The following ANKRD36C variants were observed in gnomAD, a reference collection of about 807,000 sequenced individuals.
The protein encoded by ANKRD36C is ankyrin repeat domain-containing protein 36C.
ANKRD36C carries 61 observed loss-of-function variants against 276.4 expected under a neutral mutation model. The ratio of observed to expected loss-of-function variants is 0.22; its 90% CI spans 0.18 to 0.27. The LOEUF (loss-of-function observed/expected upper bound fraction) is 0.27, where lower values mean the gene tolerates loss of function less well. Ranked by LOEUF, ANKRD36C falls within the 10% of genes least tolerant of loss-of-function variation. ANKRD36C has a pLI of 1.00. For synonymous variants in ANKRD36C, 483 were observed against 680.1 expected (o/e 0.71, Z 4.51); for missense variants, 1,447 against 2,032.3 (o/e 0.71, Z 5.54).
intron 57 of ANKRD36C, 35 bp from the exon 78 acceptor site, chr2:95,880,534 G>A: frequency 6.5e-7 from 1 of 1,535,614 alleles, no homozygotes; most frequent in Non-Finnish European, 8.8e-7. Flanking sequence ...ATTAGCACAT[G>A]ATGTATATTG....
chr2:95,955,500 C>T (rs1678305896), intron 13 of ANKRD36C, among the ~76,000 whole-genome samples: 1 of 152,020 alleles, frequency 6.6e-6, no homozygotes, highest in African/African-American at 2.4e-5. Context: ...TCCCTAAAAC[C>T]CTCATTTCTA....
chr2:95,968,473 C>G (rs1678637691), intron 6 of ANKRD36C, among the ~76,000 whole-genome samples: 2 of 152,152 alleles, frequency 1.3e-5, no homozygotes, highest in South Asian at 4.1e-4. Flanking sequence ...AACATGATTT[C>G]TGGACAAATG....
At chr2:95,882,519 T>C (rs1210246174) in intron 54 of ANKRD36C, 22 bp from the exon 75 acceptor site, 1 of 1,550,510 alleles carries the variant, frequency 6.4e-7, no homozygotes, top group African/African-American at 1.4e-5. Context: ...AAGAAATATA[T>C]AATCCATCAT....
intron 8 of ANKRD36C, 40 bp from the exon 9 acceptor site, chr2:95,960,707 T>C: frequency 1.2e-6 from 1 of 807,264 alleles, no homozygotes; most frequent in Non-Finnish European, 1.9e-6. Flanking sequence ...CATATGTAAA[T>C]ATGATAAAGT....
intron 42 of ANKRD36C, 59 bp downstream of exon 44, chr2:95,912,185 G>C (rs1236989116): frequency 6.5e-6 from 10 of 1,536,122 alleles, no homozygotes; most frequent in South Asian, 1.2e-5. Context: ...TGATTTATTC[G>C]GGGAAGAGAA....
chr2:95,986,475 AC>A, intron 3 of ANKRD36C: 1 of 376,106 alleles, frequency 2.7e-6, no homozygotes, highest in South Asian at 5.3e-5. Flanking sequence ...CTTAACTATT[AC>A]CTTTCCCAAA....
At chr2:95,921,746 T>G in intron 33 of ANKRD36C, 36 bp downstream of exon 33, 2 of 1,596,224 alleles carry the variant, frequency 1.3e-6, no homozygotes, top group South Asian at 2.3e-5. Flanking sequence ...AGACTATAGA[T>G]TCACTAGTTC....
chr2:95,921,650 C>G (rs544343875), exon 34 of ANKRD36C: 2 of 1,608,286 alleles, frequency 1.2e-6, no homozygotes, highest in Non-Finnish European at 1.7e-6. Flanking sequence ...TGGCTATATT[C>G]GAAACAGAAT....
At chr2:95,875,936 G>C (rs771049067) in intron 59 of ANKRD36C, 1 of 411,278 alleles carries the variant, frequency 2.4e-6, no homozygotes, top group Non-Finnish European at 4.8e-6. Context: ...CAGTTGGGTT[G>C]ATTTTATGAC....
chr2:95,888,082 G>A lies in ANKRD36C; in HGVS notation c.2988+10C>T, dbSNP rs758696468. 1.2e-5 allele frequency: 19 copies of A among 1,609,486 alleles called. No individual in the cohort carries two copies. Among genetic ancestry groups the A allele is most frequent in the Non-Finnish European group, 1.6e-5 (19 of 1,178,314 alleles). Reference sequence around the variant, plus strand: ...TTAATAGTTCACAATATAAATGACAGTTTAATTACCTTCAAGGCTGGTTGT... The same window carrying A: ...TTAATAGTTCACAATATAAATGACAATTTAATTACCTTCAAGGCTGGTTGT... On this transcript the variant is annotated intron_variant, in intron 49 of 66. Coordinates refer to ENST00000456556, the Ensembl canonical transcript of ANKRD36C.
chr2:95,942,903 G>A (rs111353037), intron 19 of ANKRD36C, among the ~76,000 whole-genome samples: 260 of 139,414 alleles, frequency 1.9e-3, no homozygotes, highest in African/African-American at 4.5e-3. Flanking sequence ...CCAACTGTAG[G>A]AGATAGTTTT....
chr2:95,915,045 C>A (rs1379346724), intron 38 of ANKRD36C, among the ~76,000 whole-genome samples: 1 of 151,528 alleles, frequency 6.6e-6, no homozygotes, highest in Non-Finnish European at 1.5e-5. Flanking sequence ...AAAACTGCTA[C>A]AAGCATTAGA....
At chr2:95,913,346 C>A (rs1309795953) in intron 40 of ANKRD36C, among the ~76,000 whole-genome samples, 2 of 151,098 alleles carry the variant, frequency 1.3e-5, no homozygotes, top group East Asian at 2.0e-4. Context: ...CTATTTTATC[C>A]AAGAGGTAGC....
At chr2:95,881,590 C>T (rs1000576179) in intron 56 of ANKRD36C, among the ~76,000 whole-genome samples, 1 of 151,996 alleles carries the variant, frequency 6.6e-6, no homozygotes, top group Admixed American at 6.6e-5. Context: ...ATTTGAATAA[C>T]TAATAAAAAA....
chr2:95,879,019 T>C lies in ANKRD36C; in HGVS notation c.3469+1408A>G, dbSNP rs1264330449. Among the ~76,000 whole-genome samples, 10 of 152,236 alleles carry C rather than the reference T, an allele frequency of 6.6e-5. No individual in the cohort carries two copies. In the South Asian group the frequency reaches 1.4e-3, roughly 22 times the overall value. ...AGAGAAATCTGTCCTGACATGTTTA[T>C]TGCAGCACTTTCCACAATAGCCATA... On this transcript the variant is annotated intron_variant, in intron 58 of 66. Transcript: ENST00000456556.
intron 3 of ANKRD36C, among the ~76,000 whole-genome samples, chr2:95,983,100 G>T (rs1678952273): frequency 6.6e-6 from 1 of 151,120 alleles, no homozygotes; most frequent in Non-Finnish European, 1.5e-5. Flanking sequence ...GATGGTGTGA[G>T]AATCTCAGGT....
At chr2:95,982,559 A>G (rs1392478899) in intron 3 of ANKRD36C, among the ~76,000 whole-genome samples, 197 bp from the exon 4 acceptor site, 1 of 122,656 alleles carries the variant, frequency 8.2e-6, no homozygotes, top group Non-Finnish European at 1.7e-5. Context: ...CCTCACCACA[A>G]GAACTCTGGT....
intron 59 of ANKRD36C, among the ~76,000 whole-genome samples, chr2:95,867,854 T>C (rs1288047796): frequency 1.3e-5 from 2 of 150,848 alleles, no homozygotes; most frequent in African/African-American, 4.9e-5. Context: ...AATGTCTTCC[T>C]GAGCTTGAGT....
Position 95,879,602 on chromosome 2 carries a change from CAAAAAAATAAAGA to C in ANKRD36C, c.3469+812_3469+824del, listed in dbSNP as rs1212888759. On this transcript the variant is annotated intron_variant, in intron 58 of 66. Coordinates refer to ENST00000456556, the Ensembl canonical transcript of ANKRD36C. ...ACAATTTACTCATTAAAATTAAAAA[CAAAAAAATAAAGA>C]AACACACACAGTGTGCTAATCAGAA... 2.6e-5 allele frequency among the ~76,000 whole-genome samples: 4 copies of C among 152,018 alleles called. No individual in the cohort carries two copies. In the East Asian group the frequency reaches 7.7e-4, roughly 29 times the overall value.
Sources: gnomAD v4.1 joint callset for allele counts (sites outside exome capture counted in the v4.1 genomes callset) on GRCh38, gnomAD v4.1.1 for gene constraint, MANE v1.5 for transcripts, NCBI Gene and HGNC (gene_info 2026-07-23, HGNC 2026-07-21) for gene names.